The following SENP2 variants were observed in gnomAD, a reference collection of about 807,000 sequenced individuals.
SENP2 encodes sentrin-specific protease 2.
SENP2 carries 16 observed loss-of-function variants against 86.3 expected under a neutral mutation model. The observed-to-expected ratio is 0.19, with a 90% CI of 0.13 to 0.28. SENP2 has a LOEUF of 0.28. SENP2 is among the 10% of genes least tolerant of loss of function. The pLI, the probability that SENP2 is intolerant of heterozygous loss-of-function variation, is 1.00. For missense variants in SENP2, 552 were observed against 703.0 expected (o/e 0.79, Z 2.43); for synonymous variants, 222 against 238.7 (o/e 0.93, Z 0.64).
rs570791224 is a variant in SENP2, at chr3:185,622,206, G to A, written c.1526+301G>A. Among the ~76,000 whole-genome samples the A allele has an allele frequency of 2.0e-5, 3 of 152,244 alleles. No individual in the cohort carries two copies. In the East Asian group the frequency reaches 5.8e-4, roughly 29 times the overall value. On this transcript the variant is annotated intron_variant, in intron 14 of 16. Coordinates refer to ENST00000296257, the MANE Select transcript of SENP2 (RefSeq NM_021627.3). ...AATGTTCTTAGGAACTGTTAGTTGG[G>A]GAGTGCTAGTCCTCTCAATTCTTAA...
In SENP2 at chr3:185,629,793, T is replaced by C. The variant is rs147397730; in HGVS notation, c.1719T>C (p.Pro573=). The C allele has an allele frequency of 2.8e-5, 46 of 1,614,068 alleles. No homozygotes were observed. Among genetic ancestry groups the C allele is most frequent in the Non-Finnish European group, 3.9e-5 (46 of 1,180,034 alleles). The part of the protein sequence containing the change: ...KPITFTQHQM[P]LFRKKMVWEI... ...GGGGTTCTTTGCAGCACCAGATGCC[T>C]CTCTTCCGGAAGAAGATGGTGTGGG... Residue 573 remains proline, a synonymous_variant, in exon 17 of 17, where the codon CCT becomes CCC. Transcript: ENST00000296257.
chr3:185,605,396 C>G (rs568664841), intron 5 of SENP2, among the ~76,000 whole-genome samples: 23 of 151,978 alleles, frequency 1.5e-4, no homozygotes, highest in Non-Finnish European at 3.4e-4. Context: ...AGGGCATTCA[C>G]TTACATGATC....
rs139562093 is a variant in SENP2 at position 185,633,442 on chromosome 3, T to C, written c.*3598T>C. 6.6e-6 allele frequency: 1 copy of C among 152,366 alleles called. No homozygotes were observed. The highest frequency in any genetic ancestry group is 1.9e-4 in the East Asian group (1 of 5,192). The allele number at this position is 152,366 out of a possible 1,614,324, so 9.4% of individuals were successfully genotyped here. On this transcript the variant is annotated 3_prime_UTR_variant, in exon 17 of 17. Coordinates refer to ENST00000296257, the MANE Select transcript of SENP2 (RefSeq NM_021627.3). ...GATGTAGCTGGCTGTAGTATTGCTT[T>C]GATAATTTTTTTCTTTTAATTTACC... is the stretch of plus-strand genomic sequence containing the variant.
chr3:185,598,099 A>C (rs887745938), intron 2 of SENP2, among the ~76,000 whole-genome samples: 9 of 152,128 alleles, frequency 5.9e-5, no homozygotes, highest in Admixed American at 5.2e-4. Context: ...TGTAGCCTCA[A>C]TCTTCTGGGC....
Position 185,598,480 on chromosome 3 carries a change from C to T in SENP2, c.226C>T (p.Leu76=). 1 of 1,614,088 alleles carries T rather than the reference C, an allele frequency of 6.2e-7. No individual in the cohort carries two copies. The highest frequency in any genetic ancestry group is 8.5e-7 in the Non-Finnish European group (1 of 1,179,984). ...AASLFGFPFQ[L]TTKPMVTSAC... ...CAGCTTATTTGGATTCCCATTCCAG[C>T]TGACCACAAAGCCCATGGTAACTTC... Residue 76 remains leucine (L), a synonymous_variant, in exon 3 of 17, where the codon CTG becomes TTG. Transcript: ENST00000296257.
At chr3:185,615,260 G>A (rs561701477) in intron 11 of SENP2, among the ~76,000 whole-genome samples, 69 of 152,284 alleles carry the variant, frequency 4.5e-4, no homozygotes, top group African/African-American at 1.5e-3. Flanking sequence ...AATACTTACT[G>A]TTATATTGGG....
chr3:185,631,383 G>A lies in SENP2; in HGVS notation c.*1539G>A, dbSNP rs1577754190. 6.8e-6 allele frequency: 1 copy of A among 147,364 alleles called. No homozygotes were observed. The highest frequency in any genetic ancestry group is 2.2e-4 in the South Asian group (1 of 4,546). The allele number at this position is 147,364 out of a possible 1,614,324, so 9.1% of individuals were successfully genotyped here. A position where few individuals can be genotyped will look rare whatever the true frequency, so the allele number is the denominator to read the frequency against. The stretch of plus-strand genomic sequence containing the variant: ...CTGGATGGTCAGCCAGAGGCCATGT[G>A]GTGGGTGATGACTGAAGCGGGAGCA... On this transcript the variant is annotated 3_prime_UTR_variant, in exon 17 of 17. Coordinates refer to ENST00000296257, the MANE Select transcript of SENP2 (RefSeq NM_021627.3).
chr3:185,598,317 T>G, intron 2 of SENP2, 95 bp from the exon 3 acceptor site: 2 of 1,340,460 alleles, frequency 1.5e-6, no homozygotes, highest in Non-Finnish European at 2.1e-6. Context: ...ATAGAACTTT[T>G]GATAAAAATT....
At chr3:185,599,323 G>A (rs562504076) in intron 4 of SENP2, among the ~76,000 whole-genome samples, 74 of 152,074 alleles carry the variant, frequency 4.9e-4, no homozygotes, top group African/African-American at 1.6e-3. Flanking sequence ...ACTCTGTGCC[G>A]GGTGCTGTGC....
chr3:185,613,378 G>A lies in SENP2; in HGVS notation c.903G>A (p.Thr301=), dbSNP rs779872233. 3.8e-6 allele frequency: 6 copies of A among 1,594,350 alleles called. No individual in the cohort carries two copies. In the Admixed American group the frequency reaches 6.7e-5, roughly 18 times the overall value. ...AGGGGAAAATTACTGATACAGAGAC[G>A]ATGGTCGGAATCAGATTTGAAAATG... ...CSKGKITDTE[T]MVGIRFENES... is the part of the protein sequence containing the mutation. The change falls in exon 10 of 17, where the codon ACG becomes ACA. Residue 301 remains threonine (T), a synonymous_variant. Transcript: ENST00000296257.
chr3:185,617,913 A>C (rs149640328), intron 12 of SENP2, among the ~76,000 whole-genome samples: 1 of 152,114 alleles, frequency 6.6e-6, no homozygotes, highest in East Asian at 1.9e-4. Flanking sequence ...ATTTTAGGTG[A>C]ATTCTTATAG....
chr3:185,589,007 C>A (rs1279396253), intron 1 of SENP2, among the ~76,000 whole-genome samples: 1 of 152,102 alleles, frequency 6.6e-6, no homozygotes, highest in Admixed American at 6.6e-5. Context: ...CAAAATGAAG[C>A]CCGGCAGGGC....
chr3:185,620,047 C>CTT (rs1560200002), intron 13 of SENP2, among the ~76,000 whole-genome samples: 1 of 149,780 alleles, frequency 6.7e-6, no homozygotes, highest in Admixed American at 6.7e-5. Flanking sequence ...TTTTCTTTTT[C>CTT]TTTTTCTTTT....
At chr3:185,612,731 T>A in intron 9 of SENP2, 73 bp downstream of exon 9, 1 of 1,093,206 alleles carries the variant, frequency 9.1e-7, no homozygotes. Context: ...TATTTATGAG[T>A]AAGCAGTTCT....
In SENP2 at chr3:185,629,861, C is replaced by A; in HGVS notation, c.*17C>A. 6.2e-7 allele frequency: 1 copy of A among 1,612,818 alleles called. No individual in the cohort carries two copies. Among genetic ancestry groups the A allele is most frequent in the South Asian group, 1.1e-5 (1 of 91,032 alleles). ...TTGCTGTGAGAAAACTTTGCCTGGT[C>A]CCTCTAGCTGCTGGTGGTTCTTTCA... On this transcript the variant is annotated 3_prime_UTR_variant, in exon 17 of 17. Transcript: ENST00000296257.
At chr3:185,623,565 A>C (rs1200766801) in intron 14 of SENP2, among the ~76,000 whole-genome samples, 1 of 152,120 alleles carries the variant, frequency 6.6e-6, no homozygotes, top group African/African-American at 2.4e-5. Flanking sequence ...TAAATAAAAA[A>C]TCCAGAAAGC....
At chr3:185,607,693 G>GC (rs1553838081) in intron 6 of SENP2, among the ~76,000 whole-genome samples, 1 of 151,018 alleles carries the variant, frequency 6.6e-6, no homozygotes, top group Admixed American at 6.6e-5. Context: ...AATTTACCAA[G>GC]TTTTTTTTTA....
intron 16 of SENP2, among the ~76,000 whole-genome samples, chr3:185,626,717 G>A (rs1477353325): frequency 6.6e-6 from 1 of 152,010 alleles, no homozygotes; most frequent in Non-Finnish European, 1.5e-5. Flanking sequence ...AGGTTGCAGT[G>A]AGCCGAGGTC....
intron 6 of SENP2, among the ~76,000 whole-genome samples, chr3:185,607,106 G>A (rs1351231122): frequency 6.6e-6 from 1 of 151,182 alleles, no homozygotes; most frequent in African/African-American, 2.4e-5. Flanking sequence ...ATTTCAAAAG[G>A]TACTAAAGTA....
Sources: gnomAD v4.1 joint callset for allele counts (sites outside exome capture counted in the v4.1 genomes callset) on GRCh38, gnomAD v4.1.1 for gene constraint, MANE v1.5 for transcripts, NCBI Gene and HGNC (gene_info 2026-07-23, HGNC 2026-07-21) for gene names.